ALDH8A1: variants seen among roughly 807,000 people sequenced by gnomAD.
ALDH8A1 encodes aldehyde dehydrogenase 8 family member A1.
In ALDH8A1, 39 loss-of-function variants were observed where a neutral mutation model predicts 43.3. That is an observed-to-expected ratio of 0.90 (90% CI 0.70 to 1.18). The LOEUF is 1.18. Among genes scored for constraint, ALDH8A1 ranks in the 50% most tolerant of loss-of-function variants. The probability of loss-of-function intolerance (pLI) is 0.00; values close to 1 mark genes in which losing one functional copy is unlikely to be tolerated. For synonymous variants in ALDH8A1, 233 were observed against 243.5 expected (o/e 0.96, Z 0.40); for missense variants, 605 against 622.6 (o/e 0.97, Z 0.30).
At chr6:134,928,856 C>T (rs1776929268) in intron 6 of ALDH8A1, among the ~76,000 whole-genome samples, 198 bp downstream of exon 6, 1 of 152,314 alleles carries the variant, frequency 6.6e-6, no homozygotes. Flanking sequence ...CATGTGGATG[C>T]ACTTTCACCG....
At chr6:134,933,652 C>T (rs943306504) in intron 4 of ALDH8A1, among the ~76,000 whole-genome samples, 3 of 152,208 alleles carry the variant, frequency 2.0e-5, no homozygotes, top group Non-Finnish European at 2.9e-5. Context: ...TATCACAAGA[C>T]TCTGCTACCC....
intron 6 of ALDH8A1, among the ~76,000 whole-genome samples, chr6:134,928,702 G>C (rs751597518): frequency 6.6e-6 from 1 of 152,180 alleles, no homozygotes; most frequent in African/African-American, 2.4e-5. Flanking sequence ...CCAGAGGCAG[G>C]CCTTTTCCAA....
At chr6:134,937,553 G>A (rs1773764074) in intron 4 of ALDH8A1, among the ~76,000 whole-genome samples, 1 of 152,206 alleles carries the variant, frequency 6.6e-6, no homozygotes, top group African/African-American at 2.4e-5. Context: ...TGTCATGCAG[G>A]CCAGGTTCAG....
chr6:134,930,897 C>T (rs543116310), intron 5 of ALDH8A1, among the ~76,000 whole-genome samples: 2 of 152,296 alleles, frequency 1.3e-5, no homozygotes, highest in East Asian at 1.9e-4. Context: ...GGGTGCTTTC[C>T]TCATTATAAA....
intron 1 of ALDH8A1, among the ~76,000 whole-genome samples, chr6:134,944,479 G>A (rs4646871): frequency 0.49 from 74,307 of 151,996 alleles, 18,584 homozygotes; most frequent in African/African-American, 0.6. Context: ...ACAAAGAAAC[G>A]CGCTCCATTT....
chr6:134,930,632 C>T (rs569815193), intron 5 of ALDH8A1, among the ~76,000 whole-genome samples: 4 of 152,296 alleles, frequency 2.6e-5, no homozygotes, highest in African/African-American at 7.2e-5. Context: ...CAACCAGGAT[C>T]GCTGTTAGGA....
At chr6:134,940,225 CA>C (rs201507297) in intron 3 of ALDH8A1, 1,415 of 336,416 alleles carry the variant, frequency 4.2e-3, no homozygotes, top group South Asian at 7.1e-3. Context: ...CCTGGAACTT[CA>C]AAAAAAAATA....
chr6:134,946,842 G>C (rs1435023871), intron 1 of ALDH8A1, among the ~76,000 whole-genome samples: 4 of 120,348 alleles, frequency 3.3e-5, no homozygotes, highest in Non-Finnish European at 5.7e-5. Context: ...ATGGATCTAA[G>C]CATCAGAGAT....
At chr6:134,948,087 C>T (rs76559894) in intron 1 of ALDH8A1, among the ~76,000 whole-genome samples, 2 of 152,098 alleles carry the variant, frequency 1.3e-5, no homozygotes, top group Admixed American at 6.5e-5. Flanking sequence ...GAACAAAATC[C>T]TGTCATTTGC....
In ALDH8A1 at chr6:134,918,030, T is replaced by C. The variant is rs1776734228; in HGVS notation, c.*385A>G. Reference sequence around the variant, plus strand: ...CACCCACCTTGGCCTCCCAAAGTGCTGGGATTATAGGCATGAGGCACTGTG... The same window carrying C: ...CACCCACCTTGGCCTCCCAAAGTGCCGGGATTATAGGCATGAGGCACTGTG... On this transcript the variant is annotated 3_prime_UTR_variant, in exon 7 of 7. Coordinates refer to ENST00000265605, the MANE Select transcript of ALDH8A1 (RefSeq NM_022568.4). 1 of 210,146 alleles carries C rather than the reference T, an allele frequency of 4.8e-6. No individual in the cohort carries two copies. The highest frequency in any genetic ancestry group is 9.6e-6 in the Non-Finnish European group (1 of 104,656). 13.0% of individuals were successfully genotyped at this position (210,146 alleles called of 1,614,324 possible).
intron 2 of ALDH8A1, among the ~76,000 whole-genome samples, chr6:134,943,373 G>A (rs116704428): frequency 2.0e-3 from 306 of 151,584 alleles, no homozygotes; most frequent in African/African-American, 7.2e-3. Flanking sequence ...GAGATGTGTC[G>A]GGAGTGGAAT....
chr6:134,947,439 A>C (rs1031344537), intron 1 of ALDH8A1, among the ~76,000 whole-genome samples: 2 of 152,224 alleles, frequency 1.3e-5, no homozygotes, highest in Non-Finnish European at 2.9e-5. Flanking sequence ...GTTAAGAGGC[A>C]ACCTACAGAA....
chr6:134,920,940 A>T (rs1776788850), intron 6 of ALDH8A1, among the ~76,000 whole-genome samples: 1 of 152,226 alleles, frequency 6.6e-6, no homozygotes, highest in African/African-American at 2.4e-5. Context: ...GAGGGCTTTT[A>T]GATGTCCTGT....
At chr6:134,945,857 A>G (rs1773941013) in intron 1 of ALDH8A1, among the ~76,000 whole-genome samples, 1 of 152,016 alleles carries the variant, frequency 6.6e-6, no homozygotes. Flanking sequence ...CCCAAATCTC[A>G]TCTTGAATTG....
chr6:134,944,039 C>T, intron 1 of ALDH8A1, 73 bp from the exon 2 acceptor site: 2 of 1,513,324 alleles, frequency 1.3e-6, no homozygotes, highest in Non-Finnish European at 1.8e-6. Flanking sequence ...AACCAGAATC[C>T]TCAGGTCTCC....
intron 4 of ALDH8A1, among the ~76,000 whole-genome samples, chr6:134,938,967 ACT>A (rs1443428698): frequency 1.3e-5 from 2 of 151,906 alleles, no homozygotes; most frequent in African/African-American, 4.8e-5. Flanking sequence ...ATTTTAATTG[ACT>A]CTCTGGAGCA....
intron 6 of ALDH8A1, among the ~76,000 whole-genome samples, chr6:134,921,047 G>A (rs1281872271): frequency 6.6e-6 from 1 of 152,176 alleles, no homozygotes; most frequent in Non-Finnish European, 1.5e-5. Context: ...AAAAGATTTA[G>A]CATGACGCCT....
At chr6:134,949,428 AT>A (rs1486891405) in intron 1 of ALDH8A1, among the ~76,000 whole-genome samples, 2 of 152,194 alleles carry the variant, frequency 1.3e-5, no homozygotes, top group Non-Finnish European at 2.9e-5. Context: ...GATTGATTTT[AT>A]TTTACTAGGT....
chr6:134,949,820 A>C lies in ALDH8A1; in HGVS notation c.138+96T>G. ...CTTCTATCATGTTTAACAATCCTAC[A>C]TCTTCCCCCAACTCCCTCTGCTTTT... On this transcript the variant is annotated intron_variant, in intron 1 of 6. Transcript: ENST00000265605. The C allele has an allele frequency of 2.2e-6, 3 of 1,383,872 alleles. No homozygotes were observed. The South Asian group carries it at 5.2e-5, about 24-fold the overall frequency. 85.7% of individuals were successfully genotyped at this position (1,383,872 alleles called of 1,614,324 possible).
Sources: allele counts gnomAD v4.1 joint callset (sites outside exome capture counted in the v4.1 genomes callset), GRCh38; gene constraint gnomAD v4.1.1; transcripts MANE v1.5; gene names NCBI Gene and HGNC (gene_info 2026-07-23, HGNC 2026-07-21).